Variants in FN1 observed in about 807,000 individuals in gnomAD.
FN1 encodes fibronectin.
FN1 carries 106 observed loss-of-function variants against 297.3 expected under a neutral mutation model. The ratio of observed to expected loss-of-function variants is 0.36; its 90% CI spans 0.30 to 0.42. FN1 has a LOEUF of 0.42. FN1 is among the 10% of genes least tolerant of loss of function. The probability of loss-of-function intolerance (pLI) is 1.00; values close to 1 mark genes in which losing one functional copy is unlikely to be tolerated. For synonymous variants in FN1, 1,149 were observed against 1,152.6 expected, an observed-to-expected ratio of 1.00 and a Z score of 0.06; for missense variants, 2,690 against 3,124.9, an observed-to-expected ratio of 0.86 and a Z score of 3.32.
intron 1 of FN1, 55 bp downstream of exon 1, chr2:215,435,600 G>T: frequency 6.2e-7 from 1 of 1,609,304 alleles, no homozygotes; most frequent in South Asian, 1.1e-5. Context: ...AACTTTGGTC[G>T]GCTTTAGGGT....
In FN1 at chr2:215,380,960, T is replaced by A; in HGVS notation, c.5285A>T (p.Asp1762Val). ...RYRVTYSSPE[D>V]GIHELFPAPD... Reference sequence around the variant, plus strand: ...TGCAGGGAATAGCTCATGGATTCCATCCTCAGGGCTCGAGTAGGTCACCCT... The same window carrying A: ...TGCAGGGAATAGCTCATGGATTCCAACCTCAGGGCTCGAGTAGGTCACCCT... The change falls in exon 33 of 46, where the codon GAT becomes GTT. Residue 1762 changes from aspartate to valine, a missense_variant. Coordinates refer to ENST00000354785, the MANE Select transcript of FN1 (RefSeq NM_212482.4). 1 of 1,614,222 alleles carries A rather than the reference T, an allele frequency of 6.2e-7. No homozygotes were observed. Among genetic ancestry groups the A allele is most frequent in the Non-Finnish European group, 8.5e-7 (1 of 1,180,038 alleles).
intron 5 of FN1, among the ~76,000 whole-genome samples, chr2:215,428,915 T>G (rs1337884336): frequency 6.6e-6 from 1 of 152,026 alleles, no homozygotes; most frequent in Middle Eastern, 3.2e-3. Context: ...CTCGGGAAGC[T>G]GAGGCAAGAG....
At chr2:215,413,147 C>T (rs1559524993) in intron 13 of FN1, among the ~76,000 whole-genome samples, 1 of 152,118 alleles carries the variant, frequency 6.6e-6, no homozygotes, top group East Asian at 1.9e-4. Context: ...CAGAATCTCG[C>T]TCTGTTGCCC....
intron 35 of FN1, among the ~76,000 whole-genome samples, chr2:215,377,629 T>A (rs1249772957): frequency 1.3e-5 from 2 of 152,188 alleles, no homozygotes; most frequent in African/African-American, 4.8e-5. Context: ...GTGGGCCAAT[T>A]AAGCCTCTTT....
In FN1 at chr2:215,435,993, G is replaced by T; in HGVS notation, c.-191C>A. ...AGGGATGCAGAGGACCAGAGAAGTT[G>T]TGGCTGCAGGTCCCCTCTTCCCGCT... On this transcript the variant is annotated 5_prime_UTR_variant, in exon 1 of 46. Coordinates refer to ENST00000354785, the MANE Select transcript of FN1 (RefSeq NM_212482.4). 1 of 1,259,626 alleles carries T rather than the reference G, an allele frequency of 7.9e-7. No individual in the cohort carries two copies. Among genetic ancestry groups the T allele is most frequent in the Non-Finnish European group, 1.1e-6 (1 of 942,876 alleles). 78.0% of individuals were successfully genotyped at this position (1,259,626 alleles called of 1,614,324 possible). A position where few individuals can be genotyped will look rare whatever the true frequency, so the allele number is the denominator to read the frequency against.
At chr2:215,405,726 G>A (rs2061691717) in intron 19 of FN1, among the ~76,000 whole-genome samples, 1 of 152,052 alleles carries the variant, frequency 6.6e-6, no homozygotes, top group Non-Finnish European at 1.5e-5. Context: ...CCTGGCGACA[G>A]AGCGAGACTC....
In FN1 at chr2:215,397,209, T is replaced by C. The variant is rs543350920; in HGVS notation, c.3532A>G (p.Thr1178Ala). 3.0e-4 allele frequency: 492 copies of C among 1,613,152 alleles called. 5 individuals are homozygous for C. The South Asian group carries it at 4.7e-3, about 15-fold the overall frequency. ...GGGTTTGCCTCCAGATGCAAGTTTG[T>C]TGGTGGAGACAATGCTATGCAGAAA... ...NKVVTPLSPP[T>A]NLHLEANPDT... The change falls in exon 23 of 46, where the codon ACA (threonine) becomes GCA (alanine). Residue 1178 changes from threonine to alanine, a missense_variant. Coordinates refer to ENST00000354785, the MANE Select transcript of FN1 (RefSeq NM_212482.4).
intron 12 of FN1, among the ~76,000 whole-genome samples, 183 bp downstream of exon 12, chr2:215,419,059 C>G (rs1171744264): frequency 3.4e-4 from 51 of 152,212 alleles, no homozygotes; most frequent in Non-Finnish European, 1.2e-4. Flanking sequence ...CTACCTTTTA[C>G]TTGATAGAGG....
At chr2:215,407,102 G>A (rs1282364802) in intron 18 of FN1, 25 bp downstream of exon 18, 1 of 1,552,054 alleles carries the variant, frequency 6.4e-7, no homozygotes, top group Non-Finnish European at 8.9e-7. Context: ...AGATAACATA[G>A]GAAGTGTCTT....
chr2:215,373,339 A>C lies in FN1; in HGVS notation c.6230T>G (p.Ile2077Ser). The C allele has an allele frequency of 6.2e-7, 1 of 1,613,332 alleles. No individual in the cohort carries two copies. The highest frequency in any genetic ancestry group is 8.5e-7 in the Non-Finnish European group (1 of 1,179,494). ...LKNNQKSEPL[I>S]GRKKTDELPQ... ...ACTCTTACCTGTCTTTTTCCTTCCAATCAGGGGCTCGCTCTTCTGATTATT... is the reference window on the plus strand; with the variant it reads ...ACTCTTACCTGTCTTTTTCCTTCCACTCAGGGGCTCGCTCTTCTGATTATT... Residue 2077 changes from isoleucine (I) to serine (S), a missense_variant, in exon 39 of 46, where the codon ATT becomes AGT. By Grantham distance (142) the Ile-to-Ser change is moderately radical. Transcript: ENST00000354785.
At chr2:215,428,744 C>T (rs1030120405) in intron 5 of FN1, among the ~76,000 whole-genome samples, 4 of 152,124 alleles carry the variant, frequency 2.6e-5, no homozygotes, top group African/African-American at 9.7e-5. Context: ...ACAGGCTAAG[C>T]GCGGTGGCTC....
chr2:215,424,368 T>G (rs1217778514), intron 7 of FN1, 43 bp from the exon 8 acceptor site: 1 of 1,528,324 alleles, frequency 6.5e-7, no homozygotes, highest in Non-Finnish European at 9.1e-7. Context: ...AGAGATGCTT[T>G]ATCTCCCACC....
chr2:215,406,563 T>C, intron 18 of FN1, 53 bp from the exon 19 acceptor site: 2 of 1,585,742 alleles, frequency 1.3e-6, no homozygotes, highest in Non-Finnish European at 1.7e-6. Flanking sequence ...AGATTACTTT[T>C]AAGAAGCCAG....
intron 44 of FN1, chr2:215,364,668 T>C: frequency 1.7e-6 from 1 of 599,466 alleles, no homozygotes; most frequent in East Asian, 2.8e-5. Context: ...ATTCATTCTT[T>C]CTACTAAGAG....
At chr2:215,361,653 A>C (rs1405876938) in intron 45 of FN1, 27 bp from the exon 46 acceptor site, 31 of 1,540,374 alleles carry the variant, frequency 2.0e-5, no homozygotes, top group Non-Finnish European at 2.8e-5. Flanking sequence ...AGGAAAAAAA[A>C]ATTAGTGGCA....
chr2:215,403,959 T>A (rs1045308671), intron 20 of FN1, among the ~76,000 whole-genome samples: 1 of 152,240 alleles, frequency 6.6e-6, no homozygotes. Context: ...AGGTGCTAAT[T>A]TTTTCTTGCG....
chr2:215,434,856 G>C, intron 1 of FN1, 32 bp from the exon 2 acceptor site: 1 of 1,601,178 alleles, frequency 6.2e-7, no homozygotes, highest in Non-Finnish European at 8.5e-7. Context: ...CGTTACATTT[G>C]CATTTCTCCT....
chr2:215,372,431 G>T, intron 39 of FN1, 56 bp from the exon 40 acceptor site: 1 of 1,271,672 alleles, frequency 7.9e-7, no homozygotes, highest in Non-Finnish European at 1.1e-6. Flanking sequence ...CCAGGAAGTA[G>T]CAGCAATGAT....
intron 7 of FN1, 73 bp downstream of exon 7, chr2:215,425,021 T>G: frequency 7.4e-7 from 1 of 1,343,050 alleles, no homozygotes; most frequent in Non-Finnish European, 1.1e-6. Flanking sequence ...TTGTTTCACA[T>G]TGAAAATGTA....
Sources: allele counts gnomAD v4.1 joint callset (sites outside exome capture counted in the v4.1 genomes callset), GRCh38; gene constraint gnomAD v4.1.1; transcripts MANE v1.5; gene names NCBI Gene and HGNC (gene_info 2026-07-23, HGNC 2026-07-21).